The following POLR1E variants were observed in gnomAD, a reference collection of about 807,000 sequenced individuals.
The protein encoded by POLR1E is DNA-directed RNA polymerase I subunit RPA49.
Under a neutral mutation model 50.9 loss-of-function variants are expected in POLR1E, and 37 were observed. That is an observed-to-expected ratio of 0.73 (90% confidence interval 0.56 to 0.96). The LOEUF (loss-of-function observed/expected upper bound fraction) is 0.96. POLR1E is among the 40% of genes least tolerant of loss of function. The pLI is 0.00. For synonymous variants in POLR1E, 166 were observed against 191.6 expected (o/e 0.87, Z 1.10); for missense variants, 426 against 518.1 (o/e 0.82, Z 1.73).
chr9:37,494,066 T>A (rs1244957298), intron 6 of POLR1E, among the ~76,000 whole-genome samples: 1 of 152,218 alleles, frequency 6.6e-6, no homozygotes, highest in African/African-American at 2.4e-5. Context: ...GAAATGAGCC[T>A]CCAGAGGTGG....
chr9:37,500,580 G>C (rs1820868343), intron 9 of POLR1E, among the ~76,000 whole-genome samples: 1 of 152,124 alleles, frequency 6.6e-6, no homozygotes, highest in South Asian at 2.1e-4. Flanking sequence ...GTTAACTCTG[G>C]GTCCTTAGGC....
chr9:37,501,666 T>A (rs1449550011), intron 10 of POLR1E, 47 bp from the exon 11 acceptor site: 1 of 1,591,444 alleles, frequency 6.3e-7, no homozygotes, highest in South Asian at 1.1e-5. Flanking sequence ...GGAGAAATTG[T>A]CTGAGAGTTT....
rs146632597 is a variant in POLR1E, at chr9:37,493,843, G to A, written c.547+140G>A. On this transcript the variant is annotated intron_variant, in intron 6 of 11. Transcript: ENST00000377798. ...AGCCTCTTGCTGAAGGCCTTCTCAC[G>A]GACAGGTTCTGGAAGTAGTAAGAAA... 1.0e-5 allele frequency: 9 copies of A among 870,022 alleles called. No homozygotes were observed. In the African/African-American group the frequency reaches 1.0e-4, roughly 10 times the overall value. 53.9% of individuals were successfully genotyped at this position (870,022 alleles called of 1,614,324 possible). A position where few individuals can be genotyped will look rare whatever the true frequency, so the allele number is the denominator to read the frequency against.
chr9:37,493,772 AC>A, intron 6 of POLR1E, 69 bp downstream of exon 6: 1 of 1,371,824 alleles, frequency 7.3e-7, no homozygotes. Flanking sequence ...GAGATCTTTT[AC>A]CCACCCACAC....
intron 5 of POLR1E, among the ~76,000 whole-genome samples, chr9:37,492,947 G>C (rs1411230107): frequency 6.6e-6 from 1 of 152,192 alleles, no homozygotes; most frequent in Non-Finnish European, 1.5e-5. Flanking sequence ...GCCAATGTTT[G>C]GAGTCGGTTC....
In POLR1E at chr9:37,499,835, T is replaced by C. The variant is rs141795112; in HGVS notation, c.887-1005T>C. On this transcript the variant is annotated intron_variant, in intron 9 of 11. Transcript: ENST00000377798. The stretch of plus-strand genomic sequence containing the variant: ...GGCGTGAGCTACTGCACCCAGCTTG[T>C]ATTTGCTTAGTTCTTTTTTTTTTTT... Among the ~76,000 whole-genome samples the C allele has an allele frequency of 6.5e-3, 987 of 151,028 alleles. 15 individuals carry two copies. The highest frequency in any genetic ancestry group is 0.023 in the African/African-American group (941 of 41,014).
intron 10 of POLR1E, 72 bp downstream of exon 10, chr9:37,500,993 G>A: frequency 7.3e-7 from 1 of 1,377,266 alleles, no homozygotes; most frequent in Non-Finnish European, 1.0e-6. Context: ...AGGAGCAGGG[G>A]CTTGGACTCA....
At chr9:37,486,499 C>T in intron 1 of POLR1E, 2 of 1,553,874 alleles carry the variant, frequency 1.3e-6, no homozygotes, top group Non-Finnish European at 1.7e-6. Flanking sequence ...TGTCACAGCC[C>T]CTCCCCAGGG....
chr9:37,493,497 C>T (rs576296476), intron 5 of POLR1E, 62 bp from the exon 6 acceptor site: 19 of 1,387,728 alleles, frequency 1.4e-5, no homozygotes, highest in Non-Finnish European at 1.8e-5. Context: ...CATAGTGACA[C>T]AGCTAGGAGG....
chr9:37,501,617 G>A (rs1301434576), intron 10 of POLR1E, 96 bp from the exon 11 acceptor site: 2 of 1,422,248 alleles, frequency 1.4e-6, no homozygotes, highest in Admixed American at 2.0e-5. Context: ...GACATTCCGT[G>A]CATATGAGAA....
In POLR1E at chr9:37,495,990, C is replaced by T. The variant is rs190430559; in HGVS notation, c.752+4C>T. 3.7e-6 allele frequency: 6 copies of T among 1,609,918 alleles called. No homozygotes were observed. The highest frequency in any genetic ancestry group is 1.7e-4 in the Middle Eastern group (1 of 6,058). ...TGAAGATGATTGAGGAGAACAGGTA[C>T]CCTGACTTAAGCAGATGGGGATTCT... On this transcript the variant is annotated splice_donor_region_variant and intron_variant, in intron 8 of 11. Coordinates refer to ENST00000377798, the MANE Select transcript of POLR1E (RefSeq NM_022490.4).
intron 8 of POLR1E, among the ~76,000 whole-genome samples, 165 bp downstream of exon 8, chr9:37,496,151 G>A (rs1414588719): frequency 2.0e-5 from 3 of 152,194 alleles, no homozygotes; most frequent in Non-Finnish European, 4.4e-5. Context: ...TTCAGGAGCT[G>A]TGGGTCACAT....
At chr9:37,489,468 A>T in intron 4 of POLR1E, 68 bp downstream of exon 4, 1 of 1,046,242 alleles carries the variant, frequency 9.6e-7, no homozygotes, top group Non-Finnish European at 1.4e-6. Flanking sequence ...AGTTGGCTTG[A>T]GTTTTAGATT....
chr9:37,492,728 G>T lies in POLR1E; in HGVS notation c.402+13G>T. ...TTACAGAGAAAAGGTGAGTGTGATA[G>T]AATTAAGATGTGGGACCTTAAGCAA... On this transcript the variant is annotated intron_variant, in intron 5 of 11. Coordinates refer to ENST00000377798, the MANE Select transcript of POLR1E (RefSeq NM_022490.4). The T allele has an allele frequency of 6.2e-7, 1 of 1,612,766 alleles. No individual in the cohort carries two copies. Among genetic ancestry groups the T allele is most frequent in the Non-Finnish European group, 8.5e-7 (1 of 1,179,030 alleles).
rs1008886134 is a variant in POLR1E, at chr9:37,485,974, G to A, written c.-74G>A. 5.8e-6 allele frequency: 9 copies of A among 1,539,514 alleles called. No homozygotes were observed. In the East Asian group the frequency reaches 1.2e-4, roughly 21 times the overall value. Reference sequence around the variant, plus strand: ...TTTTCCGGCCCGCAGCGCGGCCTGGGCTCCCGCGTGTTTAAAAGTGCGCTT... The same window carrying A: ...TTTTCCGGCCCGCAGCGCGGCCTGGACTCCCGCGTGTTTAAAAGTGCGCTT... On this transcript the variant is annotated 5_prime_UTR_variant, in exon 1 of 12. Coordinates refer to ENST00000377798, the MANE Select transcript of POLR1E (RefSeq NM_022490.4).
chr9:37,489,766 G>T (rs912549765), intron 4 of POLR1E, among the ~76,000 whole-genome samples: 1 of 152,140 alleles, frequency 6.6e-6, no homozygotes, highest in Non-Finnish European at 1.5e-5. Context: ...TAGAGACAGC[G>T]TTTTACCATG....
chr9:37,501,607 G>C lies in POLR1E; in HGVS notation c.969-106G>C, dbSNP rs971757995. On this transcript the variant is annotated intron_variant, in intron 10 of 11. Transcript: ENST00000377798. ...CCTTTTCCTTTCCTGAAGTTGGGAA[G>C]ACATTCCGTGCATATGAGAATAGGA... The C allele has an allele frequency of 5.1e-6, 7 of 1,366,120 alleles. No homozygotes were observed. In the African/African-American group the frequency reaches 1.0e-4, roughly 20 times the overall value. 84.6% of individuals were successfully genotyped at this position (1,366,120 alleles called of 1,614,324 possible).
At chr9:37,495,326 T>C in intron 7 of POLR1E, 50 bp downstream of exon 7, 1 of 1,448,458 alleles carries the variant, frequency 6.9e-7, no homozygotes, top group Non-Finnish European at 9.7e-7. Flanking sequence ...GTTGAGATGT[T>C]TGCACGTGTG....
chr9:37,499,367 A>G (rs7850736), intron 9 of POLR1E, among the ~76,000 whole-genome samples: 20,046 of 152,032 alleles, frequency 0.13, 2,612 homozygotes, highest in African/African-American at 0.34. Context: ...CAAGGTTACA[A>G]TGAGCTATGA....
Sources: allele counts gnomAD v4.1 joint callset (sites outside exome capture counted in the v4.1 genomes callset), GRCh38; gene constraint gnomAD v4.1.1; transcripts MANE v1.5; gene names NCBI Gene and HGNC (gene_info 2026-07-23, HGNC 2026-07-21).